The following CNTNAP5 variants were observed in gnomAD, a reference collection of about 807,000 sequenced individuals.
CNTNAP5 encodes contactin-associated protein-like 5.
A neutral mutation model predicts 150.2 loss-of-function variants in CNTNAP5; 72 were observed. The observed-to-expected ratio is 0.48, with a 90% CI of 0.40 to 0.58. CNTNAP5 has a LOEUF of 0.58. CNTNAP5 is among the 20% of genes least tolerant of loss of function. The pLI is 0.00. For missense variants in CNTNAP5, 1,636 were observed against 1,626.2 expected (o/e 1.01, Z -0.10); for synonymous variants, 672 against 619.8 (o/e 1.08, Z -1.25).
At chr2:124,247,136 T>C (rs1687051135) in intron 3 of CNTNAP5, among the ~76,000 whole-genome samples, 2 of 152,136 alleles carry the variant, frequency 1.3e-5, no homozygotes, top group Non-Finnish European at 2.9e-5. Flanking sequence ...CTCTCTGATC[T>C]TCATGATTTA....
chr2:124,326,411 T>C (rs1184967694), intron 3 of CNTNAP5, among the ~76,000 whole-genome samples: 10 of 152,184 alleles, frequency 6.6e-5, no homozygotes, highest in African/African-American at 2.4e-4. Context: ...ACTCCAAAAG[T>C]AAAGCATAAA....
chr2:124,163,206 A>G (rs1684727225), intron 1 of CNTNAP5, among the ~76,000 whole-genome samples: 1 of 152,170 alleles, frequency 6.6e-6, no homozygotes, highest in Non-Finnish European at 1.5e-5. Context: ...TGGAAGTATC[A>G]GATCAAAGCA....
chr2:124,046,611 C>T (rs568021259), intron 1 of CNTNAP5, among the ~76,000 whole-genome samples: 1 of 152,096 alleles, frequency 6.6e-6, no homozygotes, highest in Admixed American at 6.6e-5. Flanking sequence ...CAGGTGCCCA[C>T]AGCAATTAAC....
At chr2:124,854,205 C>T (rs1001782808) in intron 19 of CNTNAP5, among the ~76,000 whole-genome samples, 1 of 152,184 alleles carries the variant, frequency 6.6e-6, no homozygotes, top group African/African-American at 2.4e-5. Flanking sequence ...CAAATCTTCT[C>T]CCTTTCCCTC....
intron 12 of CNTNAP5, among the ~76,000 whole-genome samples, chr2:124,642,596 C>T (rs1234809433): frequency 1.3e-5 from 2 of 152,154 alleles, no homozygotes; most frequent in African/African-American, 2.4e-5. Flanking sequence ...AACCTCTACC[C>T]ATGAACTTTG....
At chr2:124,461,068 C>T (rs1334423169) in intron 6 of CNTNAP5, among the ~76,000 whole-genome samples, 6 of 152,056 alleles carry the variant, frequency 3.9e-5, no homozygotes, top group African/African-American at 1.4e-4. Context: ...AACACTTTTA[C>T]ACTGTTGGTG....
At position 124,914,451 on chromosome 2, in the gene CNTNAP5, C is replaced by A; in HGVS notation, c.*163C>A. The A allele has an allele frequency of 1.6e-6, 1 of 620,502 alleles. No homozygotes were observed. The highest frequency in any genetic ancestry group is 2.9e-6 in the Non-Finnish European group (1 of 350,298). The allele number at this position is 620,502 out of a possible 1,614,324, so 38.4% of individuals were successfully genotyped here. ...ACAGCATCAATTCCCTTGATCCAGC[C>A]CAAGAGACCAGGCAGCCATGGCCAC... On this transcript the variant is annotated 3_prime_UTR_variant, in exon 24 of 24. Transcript: ENST00000682447.
intron 7 of CNTNAP5, among the ~76,000 whole-genome samples, chr2:124,485,969 G>A (rs1281889247): frequency 3.3e-5 from 5 of 152,184 alleles, no homozygotes; most frequent in Admixed American, 2.6e-4. Context: ...CTACCCAGAG[G>A]AAAATAAGTC....
At chr2:124,425,596 C>A in intron 4 of CNTNAP5, among the ~76,000 whole-genome samples, 1 of 152,160 alleles carries the variant, frequency 6.6e-6, no homozygotes, top group East Asian at 1.9e-4. Context: ...CCATGCACCT[C>A]TTACTTAGGT....
intron 11 of CNTNAP5, among the ~76,000 whole-genome samples, chr2:124,570,496 C>T (rs1696126757): frequency 6.6e-6 from 1 of 152,136 alleles, no homozygotes; most frequent in African/African-American, 2.4e-5. Flanking sequence ...GTAGAAAAGG[C>T]AGACAATGAA....
chr2:124,375,514 A>T (rs115177873), intron 3 of CNTNAP5, among the ~76,000 whole-genome samples: 1 of 152,262 alleles, frequency 6.6e-6, no homozygotes, highest in African/African-American at 2.4e-5. Flanking sequence ...GACTGACAAG[A>T]CTGTCACAGA....
In CNTNAP5 at chr2:124,545,400, C is replaced by A. The variant is rs564614148; in HGVS notation, c.1650-17817C>A. On this transcript the variant is annotated intron_variant, in intron 10 of 23. Coordinates refer to ENST00000682447, the MANE Select transcript of CNTNAP5 (RefSeq NM_001367498.1). ...GGCATGAAACCCCCAAGTTCTGTGA[C>A]TATTCTTGTCCTGATTTCAAGCTTA... is the stretch of plus-strand genomic sequence containing the variant. 2.8e-4 allele frequency among the ~76,000 whole-genome samples: 43 copies of A among 152,190 alleles called. No homozygotes were observed. The South Asian group carries it at 4.8e-3, about 17-fold the overall frequency.
chr2:124,888,861 G>C (rs998536517), intron 21 of CNTNAP5, among the ~76,000 whole-genome samples: 1 of 151,920 alleles, frequency 6.6e-6, no homozygotes, highest in Non-Finnish European at 1.5e-5. Context: ...CAGATGCATA[G>C]TTTGCACATA....
intron 1 of CNTNAP5, among the ~76,000 whole-genome samples, chr2:124,196,368 A>T (rs906442679): frequency 2.0e-5 from 3 of 152,192 alleles, no homozygotes; most frequent in African/African-American, 7.2e-5. Flanking sequence ...AGTAAGCATG[A>T]TATTTACCTG....
chr2:124,331,701 C>A (rs1214020907), intron 3 of CNTNAP5, among the ~76,000 whole-genome samples: 8 of 151,482 alleles, frequency 5.3e-5, no homozygotes, highest in Admixed American at 4.6e-4. Context: ...AAAGAAAATA[C>A]AAGATGTTAA....
At chr2:124,457,394 C>T (rs1033499532) in intron 6 of CNTNAP5, among the ~76,000 whole-genome samples, 3 of 152,214 alleles carry the variant, frequency 2.0e-5, no homozygotes, top group South Asian at 4.1e-4. Context: ...TCTTCACAAT[C>T]TTCACAATCT....
intron 13 of CNTNAP5, among the ~76,000 whole-genome samples, chr2:124,703,105 TCCTTCCTC>T (rs966144317): frequency 2.5e-4 from 35 of 139,198 alleles, no homozygotes; most frequent in African/African-American, 9.4e-4. Flanking sequence ...TTTCCTTCCT[TCCTTCCTC>T]CCTCCCTCCC....
At chr2:124,183,063 AC>A (rs1465170155) in intron 1 of CNTNAP5, among the ~76,000 whole-genome samples, 1 of 152,098 alleles carries the variant, frequency 6.6e-6, no homozygotes, top group Non-Finnish European at 1.5e-5. Context: ...ATTTGTACCA[AC>A]CCTTTATATT....
chr2:124,707,138 GAGGAAGAAGAA>G lies in CNTNAP5; in HGVS notation c.2078-40090_2078-40080del, dbSNP rs1558743723. Reference sequence around the variant, plus strand: ...GAAGAAGAAGAAAGAAGAAGAAGAAGAGGAAGAAGAAGAAGAAGAAGAAGAAGAAGAAGAAG... The same window carrying G: ...GAAGAAGAAGAAAGAAGAAGAAGAAGGAAGAAGAAGAAGAAGAAGAAGAAG... On this transcript the variant is annotated intron_variant, in intron 13 of 23. Coordinates refer to ENST00000682447, the MANE Select transcript of CNTNAP5 (RefSeq NM_001367498.1). Among the ~76,000 whole-genome samples, 38 of 80,246 alleles carry G rather than the reference GAGGAAGAAGAA, an allele frequency of 4.7e-4. 1 individual carries two copies. Among genetic ancestry groups the G allele is most frequent in the South Asian group, 1.7e-3 (4 of 2,292 alleles). 52.6% of individuals were successfully genotyped at this position (80,246 alleles called of 152,430 possible). A position where few individuals can be genotyped will look rare whatever the true frequency, so the allele number is the denominator to read the frequency against.
Sources: allele counts gnomAD v4.1 joint callset (sites outside exome capture counted in the v4.1 genomes callset), GRCh38; gene constraint gnomAD v4.1.1; transcripts MANE v1.5; gene names NCBI Gene and HGNC (gene_info 2026-07-23, HGNC 2026-07-21).